The following RGS6 variants were observed in gnomAD, a reference collection of about 807,000 sequenced individuals.
RGS6 encodes regulator of G-protein signaling 6.
Under a neutral mutation model 78.5 loss-of-function variants are expected in RGS6, and 30 were observed. That is an observed-to-expected ratio of 0.38 (90% CI 0.29 to 0.52). The LOEUF (loss-of-function observed/expected upper bound fraction) is 0.52, where lower values mean the gene tolerates loss of function less well. RGS6 is among the 20% of genes least tolerant of loss of function. The probability of loss-of-function intolerance (pLI) is 0.85; values close to 1 mark genes in which losing one functional copy is unlikely to be tolerated. For missense variants in RGS6, 495 were observed against 609.7 expected (o/e 0.81, Z 1.98); for synonymous variants, 206 against 206.0 (o/e 1.00, Z 0.00).
At chr14:72,189,266 C>A (rs1349533051) in intron 2 of RGS6, among the ~76,000 whole-genome samples, 1 of 152,110 alleles carries the variant, frequency 6.6e-6, no homozygotes, top group South Asian at 2.1e-4. Flanking sequence ...GTGGGCAGTT[C>A]GTTTATTGCT....
intron 2 of RGS6, among the ~76,000 whole-genome samples, chr14:72,196,138 G>A (rs558208919): frequency 1.3e-5 from 2 of 152,228 alleles, no homozygotes; most frequent in East Asian, 1.9e-4. Flanking sequence ...GCAGAGATGC[G>A]AGAGACACGG....
rs1315749164 is a variant in RGS6, at chr14:72,562,617, C to G, written c.*150C>G. The G allele has an allele frequency of 3.3e-6, 5 of 1,533,148 alleles. No individual in the cohort carries two copies. The African/African-American group carries it at 4.1e-5, about 13-fold the overall frequency. 95.0% of individuals were successfully genotyped at this position (1,533,148 alleles called of 1,614,324 possible). A position where few individuals can be genotyped will look rare whatever the true frequency, so the allele number is the denominator to read the frequency against. ...GCAATGAAGGGCGATGGTGGGGAGA[C>G]TCGGTGGGTGAATGGGGAGACCAGA... On this transcript the variant is annotated 3_prime_UTR_variant, in exon 18 of 18. Transcript: ENST00000553525.
In RGS6 at chr14:72,562,829, C is replaced by T; in HGVS notation, c.*362C>T. ...TTGAGATTATATTATTATCCTCACT[C>T]CCTCGCTGTCTGGAGACGGTCACAC... is the stretch of plus-strand genomic sequence containing the variant. On this transcript the variant is annotated 3_prime_UTR_variant, in exon 18 of 18. Transcript: ENST00000553525. 1 of 1,341,364 alleles carries T rather than the reference C, an allele frequency of 7.5e-7. No homozygotes were observed. The highest frequency in any genetic ancestry group is 1.0e-6 in the Non-Finnish European group (1 of 969,464). The allele number at this position is 1,341,364 out of a possible 1,614,324, so 83.1% of individuals were successfully genotyped here. A position where few individuals can be genotyped will look rare whatever the true frequency, so the allele number is the denominator to read the frequency against.
intron 3 of RGS6, among the ~76,000 whole-genome samples, chr14:72,389,161 T>C (rs911513743): frequency 1.3e-5 from 2 of 152,174 alleles, no homozygotes; most frequent in African/African-American, 4.8e-5. Context: ...GGGAGGTGTA[T>C]GACTTTGCCA....
At chr14:72,438,728 G>T (rs1230301219) in intron 3 of RGS6, among the ~76,000 whole-genome samples, 1 of 152,200 alleles carries the variant, frequency 6.6e-6, no homozygotes, top group Admixed American at 6.5e-5. Flanking sequence ...TTCCAAACTG[G>T]TCTCCTTGCT....
At chr14:72,145,581 C>T (rs531650325) in intron 2 of RGS6, among the ~76,000 whole-genome samples, 10 of 152,272 alleles carry the variant, frequency 6.6e-5, no homozygotes, top group African/African-American at 2.2e-4. Context: ...TGGGTTCAAG[C>T]GATTCTTGTG....
intron 1 of RGS6, among the ~76,000 whole-genome samples, chr14:71,941,945 G>A (rs1566876844): frequency 6.6e-6 from 1 of 152,082 alleles, no homozygotes; most frequent in Non-Finnish European, 1.5e-5. Flanking sequence ...CTCCTTACAG[G>A]CCAAAAAGCC....
chr14:71,901,520 T>C, the RGS6 span, among the ~76,000 whole-genome samples: 8 of 152,248 alleles, frequency 5.3e-5, no homozygotes, highest in Non-Finnish European at 8.8e-5. Flanking sequence ...GGCTACCTAT[T>C]GGTCTTTCTT....
At chr14:72,175,464 CAACAAATCTT>C (rs1324991764) in intron 2 of RGS6, among the ~76,000 whole-genome samples, 3 of 152,138 alleles carry the variant, frequency 2.0e-5, no homozygotes, top group African/African-American at 7.2e-5. Flanking sequence ...TGCATGCATT[CAACAAATCTT>C]AATTGAGTGC....
chr14:72,186,682 C>T (rs183398249), intron 2 of RGS6, among the ~76,000 whole-genome samples: 34 of 152,274 alleles, frequency 2.2e-4, no homozygotes, highest in Admixed American at 1.6e-3. Flanking sequence ...GGCCTTAGTA[C>T]CGACCTCTAT....
At chr14:72,400,145 G>A (rs1036365813) in intron 3 of RGS6, among the ~76,000 whole-genome samples, 2 of 152,170 alleles carry the variant, frequency 1.3e-5, no homozygotes, top group Non-Finnish European at 2.9e-5. Flanking sequence ...GAGAAAGGTC[G>A]GGTTACCCAC....
At chr14:72,629,415 G>A in the RGS6 span, among the ~76,000 whole-genome samples, 1 of 152,222 alleles carries the variant, frequency 6.6e-6, no homozygotes, top group African/African-American at 2.4e-5. Context: ...TGTGGAATGT[G>A]GTGGAAACAA....
intron 2 of RGS6, among the ~76,000 whole-genome samples, chr14:72,194,688 G>T (rs940648759): frequency 6.7e-6 from 1 of 148,190 alleles, no homozygotes; most frequent in Admixed American, 6.8e-5. Context: ...AAAAGAAACA[G>T]AAAATAAAGG....
At chr14:72,362,694 C>T (rs992514145) in intron 3 of RGS6, among the ~76,000 whole-genome samples, 2 of 152,206 alleles carry the variant, frequency 1.3e-5, no homozygotes, top group Admixed American at 1.3e-4. Context: ...GCCTAGGCTC[C>T]AGAACTCATA....
chr14:71,906,917 T>G, the RGS6 span, among the ~76,000 whole-genome samples: 94 of 152,196 alleles, frequency 6.2e-4, 1 homozygote, highest in Admixed American at 1.0e-3. Context: ...CAGTAAGGGA[T>G]GGGAAACAAG....
chr14:72,226,266 G>A (rs1278003446), intron 2 of RGS6, among the ~76,000 whole-genome samples: 1 of 152,128 alleles, frequency 6.6e-6, no homozygotes, highest in African/African-American at 2.4e-5. Flanking sequence ...TTATAATTTG[G>A]CCTTCAAAAG....
chr14:72,626,455 T>C, the RGS6 span, among the ~76,000 whole-genome samples: 1 of 152,162 alleles, frequency 6.6e-6, no homozygotes, highest in East Asian at 1.9e-4. Context: ...TATTTTACTT[T>C]GCTTTTTTAC....
At chr14:72,603,346 G>A in the RGS6 span, among the ~76,000 whole-genome samples, 1 of 152,192 alleles carries the variant, frequency 6.6e-6, no homozygotes, top group Non-Finnish European at 1.5e-5. Flanking sequence ...TCCATTCTTA[G>A]CCAACAGAAC....
the RGS6 span, among the ~76,000 whole-genome samples, chr14:72,627,475 A>G: frequency 2.0e-5 from 3 of 152,030 alleles, no homozygotes; most frequent in African/African-American, 7.2e-5. Flanking sequence ...AGTTGGATCT[A>G]TTTATGGGCT....
Sources: gnomAD v4.1 joint callset for allele counts (sites outside exome capture counted in the v4.1 genomes callset) on GRCh38, gnomAD v4.1.1 for gene constraint, MANE v1.5 for transcripts, NCBI Gene and HGNC (gene_info 2026-07-23, HGNC 2026-07-21) for gene names.